Variants in POLR3B observed in about 807,000 individuals in gnomAD.
POLR3B encodes RNA polymerase III subunit B, also known as DNA-directed RNA polymerase III subunit RPC2.
In POLR3B, 96 loss-of-function variants were observed where a neutral mutation model predicts 147.4. That is an observed-to-expected ratio of 0.65 (90% CI 0.55 to 0.77). The LOEUF is 0.77. Among genes scored for constraint, POLR3B ranks in the 30% least tolerant of loss-of-function variants. The probability of loss-of-function intolerance (pLI) is 0.00; values close to 1 mark genes in which losing one functional copy is unlikely to be tolerated. For missense variants in POLR3B, 1,036 were observed against 1,413.5 expected, an observed-to-expected ratio of 0.73 and a Z score of 4.28; for synonymous variants, 461 against 485.9, an observed-to-expected ratio of 0.95 and a Z score of 0.67.
intron 10 of POLR3B, among the ~76,000 whole-genome samples, chr12:106,396,769 T>G (rs1402960460): frequency 6.6e-6 from 1 of 150,512 alleles, no homozygotes; most frequent in Non-Finnish European, 1.5e-5. Context: ...AGCCTTTTCT[T>G]CTGTTAAGCT....
chr12:106,389,508 C>T (rs529735366), intron 9 of POLR3B, among the ~76,000 whole-genome samples: 1 of 152,164 alleles, frequency 6.6e-6, no homozygotes, highest in East Asian at 1.9e-4. Flanking sequence ...CTTGAAGTGG[C>T]AATCCATACG....
rs961035272 is a variant in POLR3B at position 106,359,086 on chromosome 12, C to T, written c.72+1135C>T. 2.6e-5 allele frequency among the ~76,000 whole-genome samples: 4 copies of T among 152,000 alleles called. No homozygotes were observed. The East Asian group carries it at 5.8e-4, about 22-fold the overall frequency. ...TACAAAAATTAGCTGGGTGTGGTGG[C>T]GTGCACTTGTCCCAGCAACTCAGGA... On this transcript the variant is annotated intron_variant, in intron 1 of 27. Transcript: ENST00000228347.
intron 23 of POLR3B, among the ~76,000 whole-genome samples, chr12:106,490,701 G>A (rs1371005323): frequency 1.3e-5 from 2 of 152,276 alleles, no homozygotes; most frequent in South Asian, 2.1e-4. Context: ...TGGAAAAGGG[G>A]AGGGGAAGAA....
chr12:106,403,407 C>T (rs2037100705), intron 10 of POLR3B, among the ~76,000 whole-genome samples: 1 of 150,314 alleles, frequency 6.7e-6, no homozygotes, highest in African/African-American at 2.5e-5. Context: ...TGTGGCGATT[C>T]CTCAGGGATC....
intron 12 of POLR3B, among the ~76,000 whole-genome samples, chr12:106,419,967 T>A (rs950988947): frequency 3.3e-5 from 5 of 152,118 alleles, no homozygotes; most frequent in African/African-American, 7.2e-5. Flanking sequence ...TTGATTCTTT[T>A]GTTTCACATG....
Position 106,444,495 on chromosome 12 carries a change from C to G in POLR3B, c.1988C>G (p.Thr663Ser), listed in dbSNP as rs755312623. The G allele has an allele frequency of 6.2e-7, 1 of 1,613,918 alleles. No homozygotes were observed. The highest frequency in any genetic ancestry group is 2.2e-5 in the East Asian group (1 of 44,874). Residue 663 changes from threonine to serine, a missense_variant, in exon 19 of 28, where the codon ACT (threonine) becomes AGT (serine). Physicochemically the swap from Thr to Ser is moderately conservative, Grantham distance 58. Transcript: ENST00000228347. The stretch of plus-strand genomic sequence containing the variant: ...ACCCACTTGGAGATTGAACCCTTCA[C>G]TCTTCTCGGCGTGTGTGCTGGACTT... The part of the protein sequence containing the change: ...DTTHLEIEPF[T>S]LLGVCAGLIP...
intron 25 of POLR3B, chr12:106,500,043 C>T (rs2038572668): frequency 2.2e-6 from 1 of 454,936 alleles, no homozygotes; most frequent in Non-Finnish European, 4.4e-6. Context: ...GGATTTGAAC[C>T]CTCACTGCAC....
chr12:106,495,791 G>A (rs976172260), intron 23 of POLR3B, among the ~76,000 whole-genome samples: 8 of 152,208 alleles, frequency 5.3e-5, no homozygotes, highest in Admixed American at 6.5e-5. Context: ...GCACAGGAGG[G>A]TGGGCAGGCA....
At chr12:106,374,843 A>G (rs2036656625) in intron 6 of POLR3B, among the ~76,000 whole-genome samples, 1 of 152,050 alleles carries the variant, frequency 6.6e-6, no homozygotes, top group Non-Finnish European at 1.5e-5. Flanking sequence ...TCACCTATAA[A>G]TTAGAAATTG....
At chr12:106,402,611 A>T (rs142502914) in intron 10 of POLR3B, among the ~76,000 whole-genome samples, 155 of 152,314 alleles carry the variant, frequency 1.0e-3, no homozygotes, top group African/African-American at 3.6e-3. Flanking sequence ...CAAAACAGAA[A>T]TATCGACCAA....
chr12:106,416,815 C>T (rs1289175168), intron 12 of POLR3B, among the ~76,000 whole-genome samples: 1 of 152,176 alleles, frequency 6.6e-6, no homozygotes, highest in Middle Eastern at 3.4e-3. Flanking sequence ...TGTGCCTTTC[C>T]GGCCTCATCT....
chr12:106,506,223 A>C (rs2038685975), intron 27 of POLR3B, among the ~76,000 whole-genome samples: 1 of 152,234 alleles, frequency 6.6e-6, no homozygotes, highest in African/African-American at 2.4e-5. Flanking sequence ...GAAATCATGT[A>C]ATAGGAAGAT....
intron 12 of POLR3B, among the ~76,000 whole-genome samples, chr12:106,419,794 C>CTTTTTTTTTTTTT (rs56756383): frequency 2.2e-5 from 2 of 88,942 alleles, no homozygotes; most frequent in Non-Finnish European, 4.0e-5. Context: ...TTTAGTTTTG[C>CTTTTTTTTTTTTT]TTTTTTTTTT....
chr12:106,396,320 T>C (rs2036978652), intron 10 of POLR3B, among the ~76,000 whole-genome samples: 1 of 152,226 alleles, frequency 6.6e-6, no homozygotes, highest in Non-Finnish European at 1.5e-5. Flanking sequence ...CTTTCTTCAG[T>C]TACTTAGTTA....
intron 9 of POLR3B, among the ~76,000 whole-genome samples, chr12:106,384,998 G>A (rs181917106): frequency 3.9e-5 from 6 of 152,086 alleles, no homozygotes; most frequent in Non-Finnish European, 8.8e-5. Flanking sequence ...GCTAATTTTT[G>A]TATTTTTGGT....
At chr12:106,453,834 G>A (rs12423068) in intron 19 of POLR3B, among the ~76,000 whole-genome samples, 38,889 of 151,936 alleles carry the variant, frequency 0.26, 5,711 homozygotes, top group African/African-American at 0.4. Context: ...GCTAAGGAGG[G>A]AAGAGCCCAC....
Position 106,459,284 on chromosome 12 carries a change from A to G in POLR3B, c.2486A>G (p.Asn829Ser), listed in dbSNP as rs200502989. Residue 829 changes from asparagine (N) to serine (S), a missense_variant, in exon 22 of 28, where the codon AAT becomes AGT. By Grantham distance (46) the Asn-to-Ser change is conservative. Around this residue, in one of 12 missense-constraint regions of POLR3B, gnomAD observed 202 missense variants for 272.8 expected, o/e 0.74. Coordinates refer to ENST00000228347, the MANE Select transcript of POLR3B (RefSeq NM_018082.6). ...GTAGAAAACAAACAAGTGCTTGTAA[A>G]TAAGTCCATGCCCACAGTGACTCAG... ...EKVENKQVLV[N>S]KSMPTVTQIP... 97 of 1,609,018 alleles carry G rather than the reference A, an allele frequency of 6.0e-5. No homozygotes were observed. The highest frequency in any genetic ancestry group is 6.5e-5 in the Non-Finnish European group (76 of 1,175,452).
At chr12:106,465,323 C>T (rs960070331) in intron 23 of POLR3B, among the ~76,000 whole-genome samples, 2 of 152,118 alleles carry the variant, frequency 1.3e-5, no homozygotes, top group Non-Finnish European at 2.9e-5. Context: ...GAATGTACAC[C>T]ATAAGAGAAT....
intron 24 of POLR3B, chr12:106,496,404 C>A (rs544540786): frequency 3.4e-5 from 21 of 616,574 alleles, no homozygotes; most frequent in Non-Finnish European, 5.7e-5. Flanking sequence ...ATGAATTTAC[C>A]CCTCAGCAAA....
Sources: allele counts gnomAD v4.1 joint callset (sites outside exome capture counted in the v4.1 genomes callset), GRCh38; gene constraint gnomAD v4.1.1; regional missense constraint gnomAD v4.1.1; transcripts MANE v1.5; gene names NCBI Gene and HGNC (gene_info 2026-07-23, HGNC 2026-07-21).